The following DGKD variants were observed in gnomAD, a reference collection of about 807,000 sequenced individuals.
DGKD encodes DAG kinase delta.
Under a neutral mutation model 154.4 loss-of-function variants are expected in DGKD, and 68 were observed. That is an observed-to-expected ratio of 0.44 (90% CI 0.36 to 0.54). The LOEUF is 0.54. Ranked by LOEUF, DGKD falls within the 20% of genes least tolerant of loss-of-function variation. The pLI, the probability that DGKD is intolerant of heterozygous loss-of-function variation, is 0.00. For synonymous variants in DGKD, 693 were observed against 638.0 expected (o/e 1.09, Z -1.30); for missense variants, 1,343 against 1,593.6 (o/e 0.84, Z 2.68).
chr2:233,450,321 G>A (rs1354996948), intron 16 of DGKD, among the ~76,000 whole-genome samples, 190 bp downstream of exon 16: 2 of 152,144 alleles, frequency 1.3e-5, no homozygotes, highest in African/African-American at 4.8e-5. Context: ...GGTGTGTGCG[G>A]TCTGTCTTGG....
chr2:233,430,738 A>C (rs1308557092), intron 3 of DGKD, among the ~76,000 whole-genome samples: 1 of 152,174 alleles, frequency 6.6e-6, no homozygotes, highest in Non-Finnish European at 1.5e-5. Flanking sequence ...ATACACTATC[A>C]ATTTTTTCTC....
At chr2:233,392,650 T>A (rs1703699375) in intron 3 of DGKD, among the ~76,000 whole-genome samples, 1 of 152,252 alleles carries the variant, frequency 6.6e-6, no homozygotes, top group South Asian at 2.1e-4. Context: ...TGGGATTGGT[T>A]GTTTCTTAAG....
At chr2:233,386,094 T>TA in intron 1 of DGKD, 1 of 424,244 alleles carries the variant, frequency 2.4e-6, no homozygotes, top group Admixed American at 2.5e-5. Flanking sequence ...CAAGAAAAAA[T>TA]ACTCCAGCAT....
chr2:233,454,441 A>C, intron 18 of DGKD: 2 of 480,450 alleles, frequency 4.2e-6, no homozygotes, highest in Middle Eastern at 6.4e-4. Flanking sequence ...GGAGGTGGAA[A>C]GTAGACGAGA....
Position 233,457,115 on chromosome 2 carries a change from T to A in DGKD, c.2473-106T>A. 7.7e-7 allele frequency: 1 copy of A among 1,293,940 alleles called. No individual in the cohort carries two copies. Among genetic ancestry groups the A allele is most frequent in the Non-Finnish European group, 1.1e-6 (1 of 904,132 alleles). The allele number at this position is 1,293,940 out of a possible 1,614,324, so 80.2% of individuals were successfully genotyped here. ...CACAGGGACTTGCCTGGGGATGCCC[T>A]GGCCACGGCTGTGCTCCTGAGCCCC... On this transcript the variant is annotated intron_variant, in intron 20 of 29. Coordinates refer to ENST00000264057, the MANE Select transcript of DGKD (RefSeq NM_152879.3). The surrounding 1 kb of genome is among the most constrained non-coding windows in gnomAD (Gnocchi z 5.5).
In DGKD at chr2:233,374,381, C is replaced by T. The variant is rs1243870279; in HGVS notation, c.157-13876C>T. ...ACGGGGTCTCGCCCTGTCACCCAGG[C>T]TGGAGTGCAGTGGTGCCATCATCAC... On this transcript the variant is annotated intron_variant, in intron 1 of 29. Transcript: ENST00000264057. Among the ~76,000 whole-genome samples the T allele has an allele frequency of 2.6e-5, 4 of 152,324 alleles. No individual in the cohort carries two copies. The East Asian group carries it at 7.7e-4, about 29-fold the overall frequency.
chr2:233,466,565 C>T (rs961184884), intron 27 of DGKD, among the ~76,000 whole-genome samples: 11 of 152,174 alleles, frequency 7.2e-5, no homozygotes, highest in Admixed American at 2.0e-4. Context: ...AGGCTGCCGC[C>T]GCCGATGGCT....
At chr2:233,451,588 A>C (rs2063296201) in intron 17 of DGKD, among the ~76,000 whole-genome samples, 1 of 151,468 alleles carries the variant, frequency 6.6e-6, no homozygotes, top group Non-Finnish European at 1.5e-5. Context: ...TTTTTTTTAA[A>C]AGAGGGTCTC....
chr2:233,378,232 G>A (rs894565347), intron 1 of DGKD, among the ~76,000 whole-genome samples: 3 of 151,920 alleles, frequency 2.0e-5, no homozygotes, highest in Admixed American at 6.6e-5. Context: ...TGGGCAACAT[G>A]GTGAAACCCG....
intron 3 of DGKD, among the ~76,000 whole-genome samples, chr2:233,393,064 TG>T (rs1703740947): frequency 6.6e-6 from 1 of 152,184 alleles, no homozygotes; most frequent in East Asian, 1.9e-4. Context: ...TTGCCCAGGC[TG>T]GAAGGCTGGA....
At chr2:233,385,607 C>T (rs1382927418) in intron 1 of DGKD, among the ~76,000 whole-genome samples, 1 of 152,232 alleles carries the variant, frequency 6.6e-6, no homozygotes, top group African/African-American at 2.4e-5. Context: ...GGCCCTTTCA[C>T]TCCTGACTCT....
rs760810502 is a variant in DGKD at position 233,469,499 on chromosome 2, G to A, written c.*39G>A. 6.5e-6 allele frequency: 10 copies of A among 1,538,966 alleles called. No individual in the cohort carries two copies. Among genetic ancestry groups the A allele is most frequent in the East Asian group, 4.8e-5 (2 of 41,794 alleles). On this transcript the variant is annotated 3_prime_UTR_variant, in exon 30 of 30. Coordinates refer to ENST00000264057, the MANE Select transcript of DGKD (RefSeq NM_152879.3). ...AGCCTGTGGCCTCCACATCCCCGCC[G>A]CCGAGGCCTAGCCTCCGCCCTCTCA...
In DGKD at chr2:233,388,240, T is replaced by C. The variant is rs1215741672; in HGVS notation, c.157-17T>C. 2 of 1,603,730 alleles carry C rather than the reference T, an allele frequency of 1.2e-6. No individual in the cohort carries two copies. Among genetic ancestry groups the C allele is most frequent in the South Asian group, 1.1e-5 (1 of 88,836 alleles). ...CCTTGAAAACGCAAGTTTATGAATA[T>C]GTTTCTGTACTTTCAGACCATCATC... On this transcript the variant is annotated splice_polypyrimidine_tract_variant and intron_variant, in intron 1 of 29. Transcript: ENST00000264057.
chr2:233,420,929 G>A (rs1241665432), intron 3 of DGKD, among the ~76,000 whole-genome samples: 2 of 152,186 alleles, frequency 1.3e-5, no homozygotes, highest in Non-Finnish European at 2.9e-5. Flanking sequence ...ATGGGCAAGA[G>A]TTTCTCTAGA....
At position 233,438,143 on chromosome 2, in the gene DGKD, T is replaced by C; in HGVS notation, c.923-74T>C. On this transcript the variant is annotated intron_variant, in intron 8 of 29. Coordinates refer to ENST00000264057, the MANE Select transcript of DGKD (RefSeq NM_152879.3). This position sits in a 1 kb window ranked among gnomAD's most constrained non-coding sequence, Gnocchi z 4.1. Reference sequence around the variant, plus strand: ...TGTGTCCTTTGGGGGGGTCTGCTGCTGCTGATTCCATCAGTGGTGCCCTCA... The same window carrying C: ...TGTGTCCTTTGGGGGGGTCTGCTGCCGCTGATTCCATCAGTGGTGCCCTCA... The C allele has an allele frequency of 1.3e-6, 2 of 1,530,902 alleles. No homozygotes were observed. Among genetic ancestry groups the C allele is most frequent in the South Asian group, 1.2e-5 (1 of 82,012 alleles). The allele number at this position is 1,530,902 out of a possible 1,614,324, so 94.8% of individuals were successfully genotyped here. A position where few individuals can be genotyped will look rare whatever the true frequency, so the allele number is the denominator to read the frequency against.
intron 3 of DGKD, among the ~76,000 whole-genome samples, chr2:233,395,902 C>T (rs1703991590): frequency 6.6e-6 from 1 of 151,976 alleles, no homozygotes. Flanking sequence ...TTTTTTTGGT[C>T]AAGCTTTGTG....
intron 3 of DGKD, among the ~76,000 whole-genome samples, chr2:233,427,405 A>G (rs1342532812): frequency 1.4e-5 from 2 of 143,814 alleles, no homozygotes; most frequent in Admixed American, 7.1e-5. Flanking sequence ...CAGTGGTGCA[A>G]TCTTGGCTCA....
intron 1 of DGKD, among the ~76,000 whole-genome samples, chr2:233,379,576 G>T (rs961364114): frequency 6.6e-6 from 1 of 152,130 alleles, no homozygotes; most frequent in African/African-American, 2.4e-5. Flanking sequence ...GGTGGGGTGG[G>T]GCCAGTGGTC....
intron 3 of DGKD, among the ~76,000 whole-genome samples, chr2:233,396,750 T>G (rs1704064698): frequency 2.6e-5 from 4 of 152,018 alleles, no homozygotes; most frequent in Admixed American, 2.0e-4. Context: ...TGTGTTTCTT[T>G]GTGTGTGTCT....
Sources: allele counts gnomAD v4.1 joint callset (sites outside exome capture counted in the v4.1 genomes callset), GRCh38; gene constraint gnomAD v4.1.1; non-coding constraint Gnocchi (gnomAD v3.1); transcripts MANE v1.5; gene names NCBI Gene and HGNC (gene_info 2026-07-23, HGNC 2026-07-21).